Variants in NEB observed in about 807,000 individuals in gnomAD.
NEB encodes nebulin.
In NEB, 512 loss-of-function variants were observed where a neutral mutation model predicts 952.2. The ratio of observed to expected loss-of-function variants is 0.54; its 90% CI spans 0.50 to 0.58. The LOEUF is 0.58. Ranked by LOEUF, NEB falls within the 20% of genes least tolerant of loss-of-function variation. The pLI is 0.00. For missense variants in NEB, 8,428 were observed against 9,231.1 expected (o/e 0.91, Z 3.56); for synonymous variants, 2,900 against 3,149.8 (o/e 0.92, Z 2.66).
At position 151,516,514 on chromosome 2, in the gene NEB, T is replaced by G. The variant is rs776739582; in HGVS notation, c.22850A>C (p.Asp7617Ala). The G allele has an allele frequency of 1.2e-6, 2 of 1,613,634 alleles. No individual in the cohort carries two copies. Among genetic ancestry groups the G allele is most frequent in the South Asian group, 2.2e-5 (2 of 90,986 alleles). Residue 7617 changes from aspartate (D) to alanine (A), a missense_variant, in exon 157 of 182, where the codon GAC (aspartate) becomes GCC (alanine). This residue lies in a region of NEB where 3,374 missense variants were observed against 3,651.5 expected (regional missense o/e 0.92). Transcript: ENST00000397345. Reference protein sequence around the residue: ...YEKERGKPMLDFETPTYITAK... With the variant: ...YEKERGKPMLAFETPTYITAK... ...AGTGATGTACGTTGGTGTTTCAAAG[T>G]CCAGCATGGGTTTTCCTCGTTCCTT...
rs568531186 is a variant in NEB at position 151,540,512 on chromosome 2, C to T, written c.20788-64G>A. The T allele has an allele frequency of 9.2e-4, 1,202 of 1,310,784 alleles. 1 individual carries two copies. Among genetic ancestry groups the T allele is most frequent in the Non-Finnish European group, 1.1e-3 (1,010 of 931,500 alleles). 81.2% of individuals were successfully genotyped at this position (1,310,784 alleles called of 1,614,324 possible). A position where few individuals can be genotyped will look rare whatever the true frequency, so the allele number is the denominator to read the frequency against. ...GTCTTCCCAATTTCCAACCAAGCCACCTACAGGTCTTGTGGAGGGGCACAA... is the reference window on the plus strand; with the variant it reads ...GTCTTCCCAATTTCCAACCAAGCCATCTACAGGTCTTGTGGAGGGGCACAA... On this transcript the variant is annotated intron_variant, in intron 137 of 181. Coordinates refer to ENST00000397345, the MANE Select transcript of NEB (RefSeq NM_001164508.2).
At chr2:151,643,107 A>C in intron 58 of NEB, 43 bp downstream of exon 58, 1 of 1,559,986 alleles carries the variant, frequency 6.4e-7, no homozygotes, top group East Asian at 2.2e-5. Flanking sequence ...GTTTCCATAA[A>C]CAAAAAAAAT....
intron 111 of NEB, 66 bp from the exon 112 acceptor site, chr2:151,568,483 G>A: frequency 6.8e-7 from 1 of 1,477,998 alleles, no homozygotes; most frequent in East Asian, 2.3e-5. Context: ...TGTTGTCCAA[G>A]CAATTGTTAG....
At chr2:151,658,973 A>G in intron 47 of NEB, 92 bp downstream of exon 47, 1 of 946,062 alleles carries the variant, frequency 1.1e-6, no homozygotes, top group African/African-American at 1.6e-5. Context: ...TAAAACATTC[A>G]CTCTCATAAC....
rs181999166 is a variant in NEB at position 151,540,187 on chromosome 2, T to C, written c.20892+157A>G. Among the ~76,000 whole-genome samples, 1,035 of 144,714 alleles carry C rather than the reference T, an allele frequency of 7.2e-3. 24 individuals are homozygous for C. The highest frequency in any genetic ancestry group is 0.043 in the Admixed American group (588 of 13,672). The allele number at this position is 144,714 out of a possible 152,430, so 94.9% of individuals were successfully genotyped here. A position where few individuals can be genotyped will look rare whatever the true frequency, so the allele number is the denominator to read the frequency against. ...TCTCAGCTATTTTGCCTGACTAGTATTGTTTGGGCATTTTTTTTTCTCTTT... is the reference window on the plus strand; with the variant it reads ...TCTCAGCTATTTTGCCTGACTAGTACTGTTTGGGCATTTTTTTTTCTCTTT... On this transcript the variant is annotated intron_variant, in intron 138 of 181. Coordinates refer to ENST00000397345, the MANE Select transcript of NEB (RefSeq NM_001164508.2).
chr2:151,579,073 T>C (rs1204906768), intron 105 of NEB, among the ~76,000 whole-genome samples: 4 of 86,992 alleles, frequency 4.6e-5, no homozygotes, highest in African/African-American at 1.4e-4. Context: ...AGAGCAAGAC[T>C]CCATCTCAAA....
Position 151,667,972 on chromosome 2 carries a change from T to A in NEB, c.4612-61A>T, listed in dbSNP as rs139461481. 555 of 1,312,204 alleles carry A rather than the reference T, an allele frequency of 4.2e-4. 6 individuals carry two copies. In the East Asian group the frequency reaches 0.013, roughly 31 times the overall value. The allele number at this position is 1,312,204 out of a possible 1,614,324, so 81.3% of individuals were successfully genotyped here. ...TCATTAAAAGAGGAATGAAACAGAA[T>A]GCCAAAATGTTTCTTATAAAACATG... is the stretch of plus-strand genomic sequence containing the variant. On this transcript the variant is annotated intron_variant, in intron 39 of 181. Transcript: ENST00000397345.
chr2:151,575,671 AAG>A, intron 107 of NEB, 22 bp downstream of exon 107: 1 of 1,488,286 alleles, frequency 6.7e-7, no homozygotes, highest in Non-Finnish European at 9.4e-7. Flanking sequence ...TCCAAACAAA[AAG>A]AGAGTCTGTT....
intron 10 of NEB, among the ~76,000 whole-genome samples, chr2:151,711,513 T>C (rs1186612553): frequency 6.6e-6 from 1 of 152,212 alleles, no homozygotes; most frequent in Non-Finnish European, 1.5e-5. Flanking sequence ...AGAGGAAACT[T>C]AGCCCTCACT....
At chr2:151,702,073 T>G (rs2099674340) in intron 13 of NEB, among the ~76,000 whole-genome samples, 1 of 148,208 alleles carries the variant, frequency 6.7e-6, no homozygotes, top group Non-Finnish European at 1.5e-5. Flanking sequence ...GTGTCTTTGT[T>G]CTCGTTGGTT....
intron 65 of NEB, 29 bp downstream of exon 65, chr2:151,633,625 A>G (rs2098708788): frequency 6.3e-7 from 1 of 1,588,322 alleles, no homozygotes; most frequent in Non-Finnish European, 8.6e-7. Flanking sequence ...ATTTCTATGC[A>G]CAGCTCCATT....
At chr2:151,540,277 T>A in intron 138 of NEB, 67 bp downstream of exon 138, 1 of 921,412 alleles carries the variant, frequency 1.1e-6, no homozygotes, top group Non-Finnish European at 1.6e-6. Context: ...AAATATGTTA[T>A]GTTTCTTAGG....
intron 16 of NEB, 61 bp from the exon 17 acceptor site, chr2:151,696,796 C>G (rs2099599846): frequency 8.0e-7 from 1 of 1,254,874 alleles, no homozygotes; most frequent in East Asian, 2.3e-5. Context: ...AGGTGGCCCA[C>G]AGGCCAAGCA....
chr2:151,520,581 A>G (rs1034903711), intron 153 of NEB, among the ~76,000 whole-genome samples: 47 of 152,314 alleles, frequency 3.1e-4, no homozygotes, highest in African/African-American at 1.1e-3. Context: ...AAAGAGGATG[A>G]TAGCCAGGTG....
chr2:151,731,806 A>C (rs1459714528), intron 3 of NEB, among the ~76,000 whole-genome samples: 1 of 152,196 alleles, frequency 6.6e-6, no homozygotes, highest in African/African-American at 2.4e-5. Flanking sequence ...TATCATAGGG[A>C]AGACAATTTA....
intron 153 of NEB, among the ~76,000 whole-genome samples, chr2:151,521,615 C>G (rs1384733819): frequency 6.6e-6 from 1 of 152,108 alleles, no homozygotes; most frequent in Non-Finnish European, 1.5e-5. Context: ...ATAAAATCTG[C>G]TTTTTTTAGA....
At chr2:151,506,845 A>G (rs1047572665) in intron 163 of NEB, 64 bp downstream of exon 163, 2 of 1,076,340 alleles carry the variant, frequency 1.9e-6, no homozygotes, top group Non-Finnish European at 1.4e-6. Flanking sequence ...AGGCTAGTAT[A>G]TTTTTAAAGA....
At chr2:151,664,469 C>T (rs558152102) in intron 44 of NEB, 32 bp downstream of exon 44, 15 of 1,484,702 alleles carry the variant, frequency 1.0e-5, no homozygotes, top group Admixed American at 2.3e-5. Context: ...CTTACTTGCT[C>T]AACCCCAAAA....
At chr2:151,515,931 T>C (rs1215635659) in intron 157 of NEB, among the ~76,000 whole-genome samples, 1 of 152,188 alleles carries the variant, frequency 6.6e-6, no homozygotes, top group East Asian at 1.9e-4. Flanking sequence ...CAGACTAAGA[T>C]TTAAAATAAG....
Sources: allele counts gnomAD v4.1 joint callset (sites outside exome capture counted in the v4.1 genomes callset), GRCh38; gene constraint gnomAD v4.1.1; regional missense constraint gnomAD v4.1.1; transcripts MANE v1.5; gene names NCBI Gene and HGNC (gene_info 2026-07-23, HGNC 2026-07-21).